UNC13A: variants seen among roughly 807,000 people sequenced by gnomAD.
UNC13A encodes unc-13 homolog A.
A neutral mutation model predicts 219.7 loss-of-function variants in UNC13A; 61 were observed. That is an observed-to-expected ratio of 0.28 (90% CI 0.23 to 0.34). The LOEUF (loss-of-function observed/expected upper bound fraction) is 0.34, where lower values mean the gene tolerates loss of function less well. UNC13A is among the 10% of genes least tolerant of loss of function. UNC13A has a pLI of 1.00. For synonymous variants in UNC13A, 920 were observed against 884.6 expected, an observed-to-expected ratio of 1.04 and a Z score of -0.71; for missense variants, 1,476 against 2,270.3, an observed-to-expected ratio of 0.65 and a Z score of 7.11.
At position 17,626,150 on chromosome 19, in the gene UNC13A, T is replaced by TATCCATCC. The variant is rs35036813; in HGVS notation, c.4073+475_4073+482dup. ...ATATTTATCCACATATCCAACCATTTATCCATCCATCCATCCATCCATCCA... is the reference window on the plus strand; with the variant it reads ...ATATTTATCCACATATCCAACCATTTATCCATCCATCCATCCATCCATCCATCCATCCA... On this transcript the variant is annotated intron_variant, in intron 34 of 43. Coordinates refer to ENST00000519716, the MANE Select transcript of UNC13A (RefSeq NM_001080421.3). The TATCCATCC allele has an allele frequency of 9.1e-3, 1,356 of 149,066 alleles. 16 individuals are homozygous for TATCCATCC. Among genetic ancestry groups the TATCCATCC allele is most frequent in the African/African-American group, 0.025 (992 of 39,574 alleles). 9.2% of individuals were successfully genotyped at this position (149,066 alleles called of 1,614,324 possible).
chr19:17,635,720 TATTA>T (rs1305835506), intron 26 of UNC13A, among the ~76,000 whole-genome samples: 1 of 151,564 alleles, frequency 6.6e-6, no homozygotes, highest in Non-Finnish European at 1.5e-5. Context: ...GCAACACTAT[TATTA>T]ATTAACCTAC....
At chr19:17,620,863 C>T (rs114794998) in intron 37 of UNC13A, 141 bp from the exon 38 acceptor site, 1 of 913,990 alleles carries the variant, frequency 1.1e-6, no homozygotes. Context: ...ATGGTGGGCC[C>T]CCTCCCCAGC....
intron 1 of UNC13A, among the ~76,000 whole-genome samples, chr19:17,684,023 G>T (rs1479464381): frequency 6.6e-6 from 1 of 152,196 alleles, no homozygotes; most frequent in Non-Finnish European, 1.5e-5. Flanking sequence ...TTGAGCCCTG[G>T]AGGTCAAGGC....
Position 17,605,555 on chromosome 19 carries a change from A to C in UNC13A, c.*499T>G. The C allele has an allele frequency of 1.3e-5, 2 of 154,022 alleles. No individual in the cohort carries two copies. Among genetic ancestry groups the C allele is most frequent in the Non-Finnish European group, 1.4e-5 (1 of 69,110 alleles). The allele number at this position is 154,022 out of a possible 1,614,324, so 9.5% of individuals were successfully genotyped here. ...CTCCAACCAGCATCCTGGTCCCTCC[A>C]GTCCCCAGGCCACCTAGAGGGGCGC... On this transcript the variant is annotated 3_prime_UTR_variant, in exon 44 of 44. Transcript: ENST00000519716.
chr19:17,646,466 G>A (rs567990926), intron 17 of UNC13A, among the ~76,000 whole-genome samples: 9 of 152,158 alleles, frequency 5.9e-5, no homozygotes, highest in African/African-American at 1.9e-4. Flanking sequence ...ATGTTGGCCA[G>A]GTCGGTCTCG....
chr19:17,624,081 C>T (rs1197319042), intron 35 of UNC13A, among the ~76,000 whole-genome samples: 1 of 151,900 alleles, frequency 6.6e-6, no homozygotes, highest in African/African-American at 2.4e-5. Context: ...TTGAATGAGC[C>T]CCAAAGCCCT....
intron 8 of UNC13A, 141 bp downstream of exon 8, chr19:17,663,391 G>T: frequency 2.3e-6 from 2 of 854,588 alleles, no homozygotes; most frequent in Non-Finnish European, 1.9e-6. Flanking sequence ...CTTGAAAGGG[G>T]TCTTGCTGAG....
chr19:17,605,781 A>C lies in UNC13A; in HGVS notation c.*273T>G. 2.5e-6 allele frequency: 1 copy of C among 395,614 alleles called. No individual in the cohort carries two copies. Among genetic ancestry groups the C allele is most frequent in the Non-Finnish European group, 4.5e-6 (1 of 224,250 alleles). The allele number at this position is 395,614 out of a possible 1,614,324, so 24.5% of individuals were successfully genotyped here. A position where few individuals can be genotyped will look rare whatever the true frequency, so the allele number is the denominator to read the frequency against. The stretch of plus-strand genomic sequence containing the variant: ...GAGGTTTCCCCCATCCCAGCTCAAA[A>C]TGCCCCCTAGGTGCTGGGGGCGTGG... On this transcript the variant is annotated 3_prime_UTR_variant, in exon 44 of 44. Coordinates refer to ENST00000519716, the MANE Select transcript of UNC13A (RefSeq NM_001080421.3).
rs761900352 is a variant in UNC13A at position 17,658,200 on chromosome 19, G to A, written c.629C>T (p.Pro210Leu). 134 of 1,613,776 alleles carry A rather than the reference G, an allele frequency of 8.3e-5. No individual in the cohort carries two copies. The highest frequency in any genetic ancestry group is 1.0e-4 in the Non-Finnish European group (123 of 1,179,870). Residue 210 changes from proline to leucine, a missense_variant, in exon 9 of 44, where the codon CCG (proline) becomes CTG (leucine). Pro to Leu is a moderately conservative substitution (Grantham distance 98). Transcript: ENST00000519716. ...DYRSETSNSIPPPYYTTSQPN... is the reference protein window; with the variant it reads ...DYRSETSNSILPPYYTTSQPN... ...TTGTGACGTAGTATAATAGGGCGGC[G>A]GGATGCTGTTGCTCGTTTCACTGCG...
At chr19:17,606,480 C>T (rs1236643030) in intron 43 of UNC13A, 126 bp from the exon 44 acceptor site, 2 of 1,299,036 alleles carry the variant, frequency 1.5e-6, no homozygotes, top group Non-Finnish European at 2.1e-6. Flanking sequence ...ACCTCCCACG[C>T]TACGCTAGCC....
rs935520789 is a variant in UNC13A at position 17,633,342 on chromosome 19, C to G, written c.3216-149G>C. The G allele has an allele frequency of 7.6e-6, 5 of 655,406 alleles. No individual in the cohort carries two copies. In the African/African-American group the frequency reaches 9.1e-5, roughly 12 times the overall value. 40.6% of individuals were successfully genotyped at this position (655,406 alleles called of 1,614,324 possible). A position where few individuals can be genotyped will look rare whatever the true frequency, so the allele number is the denominator to read the frequency against. ...TCATAGCCACTGCTGACTGACTCTG[C>G]ACTAAGGCTTTGTTTCCCTTTGAGC... On this transcript the variant is annotated intron_variant, in intron 26 of 43. Coordinates refer to ENST00000519716, the MANE Select transcript of UNC13A (RefSeq NM_001080421.3).
chr19:17,677,146 C>T (rs907516861), intron 1 of UNC13A, among the ~76,000 whole-genome samples: 1 of 152,098 alleles, frequency 6.6e-6, no homozygotes, highest in African/African-American at 2.4e-5. Context: ...GAGGTCCAGT[C>T]TTCTCACATT....
intron 3 of UNC13A, 52 bp from the exon 4 acceptor site, chr19:17,672,547 G>C (rs1311190669): frequency 1.9e-5 from 28 of 1,477,884 alleles, no homozygotes; most frequent in Non-Finnish European, 2.6e-5. Context: ...GGAAACGGGG[G>C]CCCAGGGAGT....
chr19:17,652,742 C>T, intron 11 of UNC13A, 65 bp from the exon 12 acceptor site: 3 of 1,592,504 alleles, frequency 1.9e-6, no homozygotes, highest in Non-Finnish European at 2.6e-6. Context: ...GCAGGCTCCA[C>T]ACCCACTTCT....
chr19:17,614,772 C>T (rs1238587596), intron 41 of UNC13A, among the ~76,000 whole-genome samples: 2 of 152,034 alleles, frequency 1.3e-5, no homozygotes, highest in African/African-American at 4.8e-5. Flanking sequence ...TTCCTTGTTG[C>T]CTCAGGCTCC....
chr19:17,655,665 A>G (rs566213809), intron 10 of UNC13A, among the ~76,000 whole-genome samples: 69 of 150,996 alleles, frequency 4.6e-4, no homozygotes, highest in African/African-American at 1.6e-3. Context: ...GACCCCAGCA[A>G]CCACTAAGAT....
chr19:17,623,402 A>C, intron 36 of UNC13A, 140 bp downstream of exon 36: 1 of 589,984 alleles, frequency 1.7e-6, no homozygotes. Flanking sequence ...AGACAGACAC[A>C]GGCACATCTA....
chr19:17,660,021 C>T (rs1229603501), intron 8 of UNC13A, among the ~76,000 whole-genome samples: 1 of 151,978 alleles, frequency 6.6e-6, no homozygotes, highest in Non-Finnish European at 1.5e-5. Flanking sequence ...TCAGCCTCCA[C>T]AGTAGCTGGG....
chr19:17,613,875 C>T (rs2076632566), intron 41 of UNC13A: 1 of 149,936 alleles, frequency 6.7e-6, no homozygotes, highest in Non-Finnish European at 1.5e-5. Context: ...ACCACCACAC[C>T]CAGCTAATTT....
Sources: allele counts gnomAD v4.1 joint callset (sites outside exome capture counted in the v4.1 genomes callset), GRCh38; gene constraint gnomAD v4.1.1; transcripts MANE v1.5; gene names NCBI Gene and HGNC (gene_info 2026-07-23, HGNC 2026-07-21).